Variants in SCN2A observed in about 807,000 individuals in gnomAD.
SCN2A encodes sodium voltage-gated channel alpha subunit 2, also known as sodium channel protein type 2 subunit alpha.
A neutral mutation model predicts 188.7 loss-of-function variants in SCN2A; 20 were observed. The ratio of observed to expected loss-of-function variants is 0.11; its 90% confidence interval spans 0.07 to 0.15. The LOEUF (loss-of-function observed/expected upper bound fraction) is 0.15, where lower values mean the gene tolerates loss of function less well. Among genes scored for constraint, SCN2A ranks in the 10% least tolerant of loss-of-function variants. SCN2A has a pLI of 1.00. For synonymous variants in SCN2A, 804 were observed against 833.1 expected (o/e 0.97, Z 0.60); for missense variants, 1,278 against 2,445.0 (o/e 0.52, Z 10.07).
intron 10 of SCN2A, among the ~76,000 whole-genome samples, chr2:165,314,907 G>A (rs1037116490): frequency 2.0e-5 from 3 of 152,126 alleles, no homozygotes; most frequent in Non-Finnish European, 4.4e-5. Flanking sequence ...TACTTTACAA[G>A]TTCATGCAGA....
chr2:165,339,423 A>C (rs939158459), intron 14 of SCN2A, among the ~76,000 whole-genome samples: 8 of 152,188 alleles, frequency 5.3e-5, no homozygotes, highest in African/African-American at 1.4e-4. Context: ...GGAAAAAAAA[A>C]CAAAACAAAT....
chr2:165,313,827 A>T, intron 9 of SCN2A, 66 bp downstream of exon 9: 2 of 1,611,622 alleles, frequency 1.2e-6, no homozygotes, highest in South Asian at 2.2e-5. Flanking sequence ...ATTGCTGTAG[A>T]ATATTTTATT....
At chr2:165,371,593 G>C (rs560704631) in intron 20 of SCN2A, 1 of 152,212 alleles carries the variant, frequency 6.6e-6, no homozygotes, top group Non-Finnish European at 1.5e-5. Flanking sequence ...TCGTTAAAAC[G>C]TTGGTGCATG....
rs1315637488 is a variant in SCN2A, at chr2:165,276,903, C to T, written c.-51-18870C>T. ...AAATTAGTTCAATTCTGGATGGGCG[C>T]GGTGGCTCATGCCTATAATCCCAGT... On this transcript the variant is annotated intron_variant, in intron 1 of 26. Transcript: ENST00000375437. 3.9e-5 allele frequency among the ~76,000 whole-genome samples: 6 copies of T among 152,048 alleles called. No homozygotes were observed. The East Asian group carries it at 5.8e-4, about 15-fold the overall frequency.
chr2:165,342,517 T>C (rs1479706090), intron 15 of SCN2A, 48 bp downstream of exon 15: 9 of 1,582,076 alleles, frequency 5.7e-6, no homozygotes, highest in Non-Finnish European at 6.1e-6. Context: ...AATTAATTAG[T>C]CTTCATTCTC....
intron 1 of SCN2A, among the ~76,000 whole-genome samples, chr2:165,275,283 A>G (rs1190311132): frequency 2.0e-5 from 3 of 152,066 alleles, no homozygotes; most frequent in African/African-American, 7.2e-5. Flanking sequence ...GTTAAACCTC[A>G]TTTCTTCAGC....
intron 1 of SCN2A, among the ~76,000 whole-genome samples, chr2:165,284,312 A>C (rs1457260444): frequency 6.6e-6 from 1 of 152,018 alleles, no homozygotes; most frequent in Non-Finnish European, 1.5e-5. Context: ...CTGGGACTAC[A>C]GGTGCCCGCC....
intron 24 of SCN2A, 24 bp from the exon 25 acceptor site, chr2:165,381,069 C>A: frequency 1.4e-6 from 2 of 1,470,916 alleles, no homozygotes; most frequent in Non-Finnish European, 1.9e-6. Flanking sequence ...ACAATTTTAA[C>A]AAGTGTTGCT....
At chr2:165,306,399 G>C (rs1697132732) in intron 3 of SCN2A, among the ~76,000 whole-genome samples, 1 of 151,932 alleles carries the variant, frequency 6.6e-6, no homozygotes, top group Non-Finnish European at 1.5e-5. Flanking sequence ...ACAAGCACAG[G>C]GGACCCTCTA....
chr2:165,246,390 C>G (rs1251853611), intron 1 of SCN2A, among the ~76,000 whole-genome samples: 1 of 152,090 alleles, frequency 6.6e-6, no homozygotes, highest in Non-Finnish European at 1.5e-5. Context: ...ACATCCACTC[C>G]CATGGTTTTA....
intron 1 of SCN2A, among the ~76,000 whole-genome samples, chr2:165,284,752 C>A (rs1202391947): frequency 6.6e-6 from 1 of 152,164 alleles, no homozygotes; most frequent in Non-Finnish European, 1.5e-5. Context: ...TCTTTCTTAC[C>A]TGATTATTAA....
intron 25 of SCN2A, among the ~76,000 whole-genome samples, chr2:165,383,567 G>T (rs978138509): frequency 6.6e-6 from 1 of 152,132 alleles, no homozygotes; most frequent in African/African-American, 2.4e-5. Flanking sequence ...TCTGGGCTTT[G>T]TGGTGATCAC....
At chr2:165,380,786 C>G in intron 24 of SCN2A, 57 bp downstream of exon 24, 1 of 1,364,062 alleles carries the variant, frequency 7.3e-7, no homozygotes, top group Non-Finnish European at 1.0e-6. Flanking sequence ...ATTTCATACT[C>G]TTTCCTTTAG....
Position 165,314,053 on chromosome 2 carries a change from A to C in SCN2A, c.1328A>C (p.Glu443Ala). Residue 443 changes from glutamate to alanine, a missense_variant, in exon 10 of 27, where the codon GAA becomes GCA. This residue lies in a region of SCN2A where 42 missense variants were observed against 137.3 expected (regional missense o/e 0.31). Coordinates refer to ENST00000375437, the MANE Select transcript of SCN2A (RefSeq NM_001040142.2). Reference sequence around the variant, plus strand: ...ACATTGGAAGAGGCTGAACAGAAGGAAGCTGAATTTCAGCAGATGCTCGAA... The same window carrying C: ...ACATTGGAAGAGGCTGAACAGAAGGCAGCTGAATTTCAGCAGATGCTCGAA... The part of the protein sequence containing the change: ...QATLEEAEQK[E>A]AEFQQMLEQL... The C allele has an allele frequency of 6.2e-7, 1 of 1,613,746 alleles. No homozygotes were observed. The highest frequency in any genetic ancestry group is 8.5e-7 in the Non-Finnish European group (1 of 1,179,742).
At chr2:165,307,981 A>G in intron 4 of SCN2A, 44 bp downstream of exon 4, 1 of 1,337,992 alleles carries the variant, frequency 7.5e-7, no homozygotes, top group Non-Finnish European at 1.1e-6. Context: ...TTTATGTTTC[A>G]TATTGTGCTT....
intron 15 of SCN2A, among the ~76,000 whole-genome samples, chr2:165,344,203 G>A (rs779598401): frequency 1.3e-5 from 2 of 151,942 alleles, no homozygotes; most frequent in Non-Finnish European, 2.9e-5. Context: ...TTTAAAAACT[G>A]TATAATTTAA....
At chr2:165,291,388 C>A in intron 1 of SCN2A, among the ~76,000 whole-genome samples, 3 of 148,964 alleles carry the variant, frequency 2.0e-5, no homozygotes, top group Admixed American at 6.8e-5. Flanking sequence ...TCCTTCCTTC[C>A]TTCCTTCCTT....
chr2:165,324,269 A>G (rs564230499), intron 12 of SCN2A, among the ~76,000 whole-genome samples: 34 of 152,340 alleles, frequency 2.2e-4, no homozygotes, highest in East Asian at 7.7e-4. Context: ...ATTAGCTATC[A>G]AGACATATTT....
At chr2:165,340,717 T>C (rs16850426) in intron 14 of SCN2A, among the ~76,000 whole-genome samples, 32,814 of 152,132 alleles carry the variant, frequency 0.22, 4,098 homozygotes, top group East Asian at 0.34. Context: ...CAGTATCAAA[T>C]GATTTGTTAG....
Sources: gnomAD v4.1 joint callset for allele counts (sites outside exome capture counted in the v4.1 genomes callset) on GRCh38, gnomAD v4.1.1 for gene constraint, gnomAD v4.1.1 regional missense constraint, MANE v1.5 for transcripts, NCBI Gene and HGNC (gene_info 2026-07-23, HGNC 2026-07-21) for gene names.